Variants in CAMK2D observed in about 807,000 individuals in gnomAD.
CAMK2D encodes calcium/calmodulin-dependent protein kinase type II subunit delta.
Under a neutral mutation model 84.0 loss-of-function variants are expected in CAMK2D, and 37 were observed. That is an observed-to-expected ratio of 0.44 (90% CI 0.34 to 0.58). The LOEUF (loss-of-function observed/expected upper bound fraction) is 0.58, where lower values mean the gene tolerates loss of function less well. CAMK2D is among the 20% of genes least tolerant of loss of function. The pLI is 0.02. For synonymous variants in CAMK2D, 202 were observed against 212.5 expected, an observed-to-expected ratio of 0.95 and a Z score of 0.43; for missense variants, 448 against 652.5, an observed-to-expected ratio of 0.69 and a Z score of 3.41.
chr4:113,658,191 T>C (rs927341005), intron 3 of CAMK2D, among the ~76,000 whole-genome samples: 3 of 152,236 alleles, frequency 2.0e-5, no homozygotes, highest in Non-Finnish European at 4.4e-5. Flanking sequence ...TACTATTTTA[T>C]GACAGTCACT....
intron 4 of CAMK2D, among the ~76,000 whole-genome samples, chr4:113,584,577 G>C (rs1450050742): frequency 1.3e-4 from 20 of 152,166 alleles, no homozygotes; most frequent in Admixed American, 1.3e-3. Context: ...CAGGTGGTGG[G>C]AACAGATGTG....
At chr4:113,593,916 C>CT (rs138017483) in intron 4 of CAMK2D, among the ~76,000 whole-genome samples, 120 of 149,722 alleles carry the variant, frequency 8.0e-4, no homozygotes, top group Admixed American at 2.2e-3. Context: ...CAGAGTTGTG[C>CT]TTTTTTTTTT....
intron 2 of CAMK2D, among the ~76,000 whole-genome samples, chr4:113,686,444 C>A (rs1420552695): frequency 6.6e-6 from 1 of 152,166 alleles, no homozygotes; most frequent in Non-Finnish European, 1.5e-5. Context: ...GCTTTGCTAG[C>A]AACAAAACTC....
intron 4 of CAMK2D, among the ~76,000 whole-genome samples, chr4:113,565,409 G>A (rs1484730176): frequency 6.6e-6 from 1 of 152,136 alleles, no homozygotes; most frequent in African/African-American, 2.4e-5. Context: ...CCAGCACTTT[G>A]GGAGGCCAAG....
intron 2 of CAMK2D, among the ~76,000 whole-genome samples, chr4:113,683,252 C>A (rs1029470): frequency 0.16 from 24,523 of 152,124 alleles, 2,115 homozygotes; most frequent in African/African-American, 0.22. Flanking sequence ...AAGAAACTAT[C>A]TCAAGTGGGT....
At chr4:113,613,890 G>A (rs2099010948) in intron 3 of CAMK2D, among the ~76,000 whole-genome samples, 1 of 151,998 alleles carries the variant, frequency 6.6e-6, no homozygotes, top group South Asian at 2.1e-4. Context: ...GTGCGAGAGA[G>A]AGCGAGCGAG....
chr4:113,652,085 A>T lies in CAMK2D; in HGVS notation c.220+9628T>A, dbSNP rs561018575. ...CACTTATTAAAGAATAGTATGACTA[A>T]TTCAGAGTTATACAGCAGCGATACA... is the stretch of plus-strand genomic sequence containing the variant. On this transcript the variant is annotated intron_variant, in intron 3 of 20. Coordinates refer to ENST00000511664, the MANE Select transcript of CAMK2D (RefSeq NM_001321571.2). Among the ~76,000 whole-genome samples the T allele has an allele frequency of 3.3e-5, 5 of 152,308 alleles. No homozygotes were observed. The East Asian group carries it at 9.6e-4, about 29-fold the overall frequency.
At chr4:113,558,420 A>T (rs868346026) in intron 4 of CAMK2D, among the ~76,000 whole-genome samples, 2 of 152,360 alleles carry the variant, frequency 1.3e-5, no homozygotes, top group African/African-American at 2.4e-5. Context: ...TAAATTATAT[A>T]TGCAGTTGGC....
intron 3 of CAMK2D, among the ~76,000 whole-genome samples, chr4:113,659,722 C>CT (rs1428857199): frequency 6.6e-6 from 1 of 152,190 alleles, no homozygotes; most frequent in Non-Finnish European, 1.5e-5. Flanking sequence ...GTGGTACTCT[C>CT]TTACTGGCAG....
intron 16 of CAMK2D, among the ~76,000 whole-genome samples, chr4:113,490,184 T>C (rs1208554105): frequency 1.2e-4 from 18 of 147,624 alleles, no homozygotes; most frequent in Non-Finnish European, 4.5e-5. Flanking sequence ...TTGTTGCCAT[T>C]GCTTTTGGTG....
intron 4 of CAMK2D, among the ~76,000 whole-genome samples, chr4:113,554,819 AAATTGTT>A (rs2098653614): frequency 6.6e-6 from 1 of 152,164 alleles, no homozygotes; most frequent in African/African-American, 2.4e-5. Flanking sequence ...TCTCATGAAT[AAATTGTT>A]AATTAACTAA....
At chr4:113,487,338 G>C (rs1590010346) in intron 16 of CAMK2D, among the ~76,000 whole-genome samples, 1 of 151,990 alleles carries the variant, frequency 6.6e-6, no homozygotes, top group East Asian at 1.9e-4. Flanking sequence ...CTCACAAAAA[G>C]AATCATGATA....
intron 4 of CAMK2D, among the ~76,000 whole-genome samples, chr4:113,555,094 G>T (rs1213962993): frequency 1.3e-5 from 2 of 152,288 alleles, no homozygotes; most frequent in East Asian, 3.9e-4. Context: ...TCTGTTTCTA[G>T]TGTACAATTT....
chr4:113,546,055 A>T (rs2098566544), intron 6 of CAMK2D, among the ~76,000 whole-genome samples: 2 of 152,208 alleles, frequency 1.3e-5, no homozygotes, highest in Admixed American at 1.3e-4. Context: ...TCCACAAAAA[A>T]TATCTTTAAA....
chr4:113,480,941 G>A (rs1045933604), intron 16 of CAMK2D, among the ~76,000 whole-genome samples: 4 of 152,064 alleles, frequency 2.6e-5, no homozygotes, highest in Non-Finnish European at 5.9e-5. Flanking sequence ...GAGAGCAAGC[G>A]TTCACCAGAC....
intron 16 of CAMK2D, among the ~76,000 whole-genome samples, chr4:113,472,676 T>C (rs2097560757): frequency 6.6e-6 from 1 of 152,248 alleles, no homozygotes; most frequent in African/African-American, 2.4e-5. Flanking sequence ...ACTGAATTTA[T>C]ACCTGCAAAT....
chr4:113,520,363 G>C (rs1001961699), intron 8 of CAMK2D, among the ~76,000 whole-genome samples: 1 of 151,998 alleles, frequency 6.6e-6, no homozygotes, highest in African/African-American at 2.4e-5. Flanking sequence ...AGCCAAGGTC[G>C]TGCCACTGAA....
In CAMK2D at chr4:113,675,971, A is replaced by G. The variant is rs965203111; in HGVS notation, c.161-14199T>C. On this transcript the variant is annotated intron_variant, in intron 2 of 20. Transcript: ENST00000511664. ...AAACTCCTTTAGTTCAGATTTTCAT[A>G]TATCTGTATAATGGCCAAAATATAA... Among the ~76,000 whole-genome samples, 6 of 152,344 alleles carry G rather than the reference A, an allele frequency of 3.9e-5. No individual in the cohort carries two copies. The East Asian group carries it at 1.2e-3, about 29-fold the overall frequency.
chr4:113,622,835 A>C (rs934733762), intron 3 of CAMK2D, among the ~76,000 whole-genome samples: 3 of 152,226 alleles, frequency 2.0e-5, no homozygotes, highest in African/African-American at 7.2e-5. Context: ...ATTGAATGAC[A>C]TGATGAAACA....
Sources: allele counts gnomAD v4.1 joint callset (sites outside exome capture counted in the v4.1 genomes callset), GRCh38; gene constraint gnomAD v4.1.1; transcripts MANE v1.5; gene names NCBI Gene and HGNC (gene_info 2026-07-23, HGNC 2026-07-21).